TUBGCP5: variants seen among roughly 807,000 people sequenced by gnomAD.
The protein encoded by TUBGCP5 is tubulin gamma complex component 5, also known as gamma-tubulin complex component 5.
A neutral mutation model predicts 134.7 loss-of-function variants in TUBGCP5; 98 were observed. The ratio of observed to expected loss-of-function variants is 0.73; its 90% CI spans 0.62 to 0.86. The LOEUF is 0.86. Among genes scored for constraint, TUBGCP5 ranks in the 40% least tolerant of loss-of-function variants. The pLI, the probability that TUBGCP5 is intolerant of heterozygous loss-of-function variation, is 0.00. For synonymous variants in TUBGCP5, 456 were observed against 431.4 expected, an observed-to-expected ratio of 1.06 and a Z score of -0.71; for missense variants, 1,150 against 1,244.8, an observed-to-expected ratio of 0.92 and a Z score of 1.15.
chr15:23,027,037 C>T (rs748294705), intron 7 of TUBGCP5, among the ~76,000 whole-genome samples, 155 bp downstream of exon 7: 4 of 151,656 alleles, frequency 2.6e-5, no homozygotes, highest in African/African-American at 4.8e-5. Flanking sequence ...GTCTGGGCAA[C>T]GAAGAGTGAG....
At chr15:22,990,977 A>C (rs2063827284) in intron 23 of TUBGCP5, among the ~76,000 whole-genome samples, 1 of 152,172 alleles carries the variant, frequency 6.6e-6, no homozygotes, top group African/African-American at 2.4e-5. Flanking sequence ...TGCTCCCTTG[A>C]ATTTTGGCCT....
intron 16 of TUBGCP5, among the ~76,000 whole-genome samples, chr15:23,007,988 T>A (rs890397751): frequency 1.3e-5 from 2 of 152,102 alleles, no homozygotes; most frequent in Non-Finnish European, 2.9e-5. Context: ...AAACCTCATG[T>A]GTGGGAGCTC....
intron 16 of TUBGCP5, among the ~76,000 whole-genome samples, chr15:23,007,659 C>A: frequency 6.6e-6 from 1 of 152,272 alleles, no homozygotes; most frequent in East Asian, 1.9e-4. Context: ...CAGAAATATT[C>A]TGAAATCCCT....
chr15:23,017,744 A>G (rs2065421618), intron 13 of TUBGCP5, 29 bp downstream of exon 13: 11 of 1,600,190 alleles, frequency 6.9e-6, no homozygotes, highest in African/African-American at 1.3e-5. Flanking sequence ...CCCAACACCA[A>G]GAGAGACACA....
At chr15:23,039,144 G>C (rs893898477) in intron 1 of TUBGCP5, among the ~76,000 whole-genome samples, 3 of 151,924 alleles carry the variant, frequency 2.0e-5, no homozygotes, top group Non-Finnish European at 1.5e-5. Flanking sequence ...CGGCCGGCAA[G>C]AAACCCAGTT....
chr15:23,016,437 T>G (rs1245841736), intron 13 of TUBGCP5, among the ~76,000 whole-genome samples: 1 of 148,092 alleles, frequency 6.8e-6, no homozygotes, highest in Non-Finnish European at 1.5e-5. Context: ...GAGCTTGCAG[T>G]GAGCCCAGAT....
intron 11 of TUBGCP5, among the ~76,000 whole-genome samples, chr15:23,020,047 G>A (rs2065580252): frequency 6.6e-6 from 1 of 152,114 alleles, no homozygotes. Context: ...GGGAGGCTGA[G>A]GTGGGCAGAT....
chr15:23,009,076 A>ATC (rs2064883730), intron 15 of TUBGCP5, among the ~76,000 whole-genome samples, 195 bp from the exon 16 acceptor site: 1 of 152,112 alleles, frequency 6.6e-6, no homozygotes, highest in Non-Finnish European at 1.5e-5. Flanking sequence ...CATCATCAGA[A>ATC]AGGTTATCTT....
rs71414252 is a variant in TUBGCP5, at chr15:22,993,525, G to GTTTTTT, written c.*61+3314_*61+3319dup. On this transcript the variant is annotated intron_variant and NMD_transcript_variant, in intron 23 of 23. Transcript: ENST00000614508. ...TAATCCTCCCACCTCAGCCCCCGAA[G>GTTTTTT]TTTTTTTTTTTTTTTTTTTTTTTTT... Among the ~76,000 whole-genome samples the GTTTTTT allele has an allele frequency of 5.4e-3, 377 of 69,256 alleles. 23 individuals carry two copies. Among genetic ancestry groups the GTTTTTT allele is most frequent in the African/African-American group, 0.011 (177 of 16,734 alleles). The allele number at this position is 69,256 out of a possible 152,430, so 45.4% of individuals were successfully genotyped here. A position where few individuals can be genotyped will look rare whatever the true frequency, so the allele number is the denominator to read the frequency against.
intron 9 of TUBGCP5, 26 bp from the exon 10 acceptor site, chr15:23,024,219 T>C (rs2065872241): frequency 1.2e-6 from 2 of 1,604,260 alleles, no homozygotes; most frequent in South Asian, 1.1e-5. Flanking sequence ...ACTGCAATTA[T>C]TCAAAGGTGG....
At chr15:23,020,584 C>CAAAAAAAAAAAAAA (rs542905350) in intron 11 of TUBGCP5, among the ~76,000 whole-genome samples, 77 of 76,198 alleles carry the variant, frequency 1.0e-3, no homozygotes, top group Non-Finnish European at 1.3e-3. Context: ...GACTACGTCT[C>CAAAAAAAAAAAAAA]AAAAAAAAAA....
At position 23,022,143 on chromosome 15, in the gene TUBGCP5, G is replaced by C. The variant is rs772740830; in HGVS notation, c.1187C>G (p.Ala396Gly). 7.4e-6 allele frequency: 12 copies of C among 1,614,018 alleles called. No individual in the cohort carries two copies. In the South Asian group the frequency reaches 9.9e-5, roughly 13 times the overall value. Residue 396 changes from alanine (A) to glycine (G), a missense_variant, in exon 11 of 23, where the codon GCA (alanine) becomes GGA (glycine). Physicochemically the swap from Ala to Gly is moderately conservative, Grantham distance 60. Around this residue, in one of 2 missense-constraint regions of TUBGCP5, gnomAD observed 697 missense variants for 850.1 expected, o/e 0.82. Transcript: ENST00000615383. ...AGGTGCCAACTTGTCCACCACTATTGCAAGAGTTATTGTAGTATCTGCAAA... is the reference window on the plus strand; with the variant it reads ...AGGTGCCAACTTGTCCACCACTATTCCAAGAGTTATTGTAGTATCTGCAAA... ...IINNDTTITL[A>G]IVVDKLAPRL...
At chr15:23,026,245 T>C (rs747003262) in intron 7 of TUBGCP5, 40 bp from the exon 8 acceptor site, 1 of 1,528,682 alleles carries the variant, frequency 6.5e-7, no homozygotes, top group Non-Finnish European at 8.9e-7. Context: ...GAAAGGTTTC[T>C]AAGTAAGTAA....
chr15:23,002,102 T>C (rs2064421002), intron 21 of TUBGCP5, among the ~76,000 whole-genome samples: 1 of 149,736 alleles, frequency 6.7e-6, no homozygotes, highest in African/African-American at 2.5e-5. Context: ...GCAAAGCATA[T>C]GCAGCAGTGT....
chr15:22,998,537 C>A (rs2064200341), downstream of TUBGCP5, among the ~76,000 whole-genome samples: 1 of 152,094 alleles, frequency 6.6e-6, no homozygotes, highest in Non-Finnish European at 1.5e-5. Flanking sequence ...TGGTTCACTG[C>A]AGCCTTGACC....
chr15:22,989,544 G>A lies in TUBGCP5; in HGVS notation c.*62-5933C>T. ...TCTTGGTCTGTCTTTTTAAATTTAT[G>A]ATTTATTTATTTATCTAGAGACAGG... On this transcript the variant is annotated intron_variant and NMD_transcript_variant, in intron 23 of 23. Coordinates refer to the TUBGCP5 transcript ENST00000614508. 1.3e-5 allele frequency among the ~76,000 whole-genome samples: 2 copies of A among 152,180 alleles called. 1 individual carries two copies. Among genetic ancestry groups the A allele is most frequent in the South Asian group, 4.1e-4 (2 of 4,820 alleles).
At chr15:22,997,113 A>G (rs2064120855), downstream of TUBGCP5, among the ~76,000 whole-genome samples, 1 of 152,124 alleles carries the variant, frequency 6.6e-6, no homozygotes, top group South Asian at 2.1e-4. Flanking sequence ...GTTCTCTCCC[A>G]GTCTGTGGCC....
chr15:22,993,490 T>G (rs1299958893), intron 23 of TUBGCP5, among the ~76,000 whole-genome samples: 1 of 143,796 alleles, frequency 7.0e-6, no homozygotes, highest in Non-Finnish European at 1.5e-5. Flanking sequence ...CTCGACCTCC[T>G]GGGCTCAAAT....
At chr15:23,036,002 A>T (rs942676931) in intron 3 of TUBGCP5, among the ~76,000 whole-genome samples, 1 of 152,220 alleles carries the variant, frequency 6.6e-6, no homozygotes, top group Non-Finnish European at 1.5e-5. Context: ...CCTGAGTTTA[A>T]TATTAAAACG....
Sources: allele counts gnomAD v4.1 joint callset (sites outside exome capture counted in the v4.1 genomes callset), GRCh38; gene constraint gnomAD v4.1.1; regional missense constraint gnomAD v4.1.1; transcripts MANE v1.5; gene names NCBI Gene and HGNC (gene_info 2026-07-23, HGNC 2026-07-21).